Variants in IL1RAPL1 observed in about 807,000 individuals in gnomAD.
IL1RAPL1 encodes the protein interleukin-1 receptor accessory protein-like 1.
IL1RAPL1 carries 3 observed loss-of-function variants against 48.4 expected under a neutral mutation model. The ratio of observed to expected loss-of-function variants is 0.06; its 90% CI spans 0.03 to 0.16. IL1RAPL1 has a LOEUF of 0.16. IL1RAPL1 is among the 10% of genes least tolerant of loss of function. IL1RAPL1 has a pLI of 1.00. For synonymous variants in IL1RAPL1, 185 were observed against 187.7 expected, an observed-to-expected ratio of 0.99 and a Z score of 0.12; for missense variants, 349 against 530.6, an observed-to-expected ratio of 0.66 and a Z score of 3.36.
chrX:28,955,456 A>G (rs950030866), intron 2 of IL1RAPL1, among the ~76,000 whole-genome samples: 1 of 111,078 alleles, frequency 9.0e-6, no homozygotes, highest in African/African-American at 3.3e-5. Flanking sequence ...CTAATCTTGT[A>G]TAAGGTATAA....
chrX:29,918,144 A>AAAAAAAAAATAT (rs1555935868), intron 7 of IL1RAPL1, among the ~76,000 whole-genome samples: 2 of 23,761 alleles, frequency 8.4e-5, no homozygotes, highest in African/African-American at 4.8e-4. Context: ...AAAAAAAAAA[A>AAAAAAAAAATAT]ATATATATAT....
chrX:28,809,563 T>G (rs1262958771), intron 2 of IL1RAPL1, among the ~76,000 whole-genome samples: 3 of 110,317 alleles, frequency 2.7e-5, no homozygotes, highest in Non-Finnish European at 5.7e-5. Context: ...AGATGGTCAT[T>G]ATGGATGACA....
chrX:29,885,093 C>T (rs1932121259), intron 6 of IL1RAPL1, among the ~76,000 whole-genome samples: 1 of 111,352 alleles, frequency 9.0e-6, no homozygotes, highest in African/African-American at 3.3e-5. Context: ...CACAACAGCC[C>T]CACTGGCCTT....
chrX:28,985,203 T>C (rs1266640509), intron 2 of IL1RAPL1, among the ~76,000 whole-genome samples: 2 of 111,706 alleles, frequency 1.8e-5, no homozygotes, highest in Non-Finnish European at 3.8e-5. Context: ...GTTAGGCAGT[T>C]TTAAAATTAT....
intron 1 of IL1RAPL1, among the ~76,000 whole-genome samples, chrX:28,597,506 C>T (rs1233147983): frequency 2.7e-5 from 3 of 110,938 alleles, no homozygotes; most frequent in Admixed American, 1.9e-4. Context: ...CGGAGGCAGG[C>T]GGATCACCGG....
intron 2 of IL1RAPL1, among the ~76,000 whole-genome samples, chrX:29,252,031 C>CG (rs1569269843): frequency 3.3e-5 from 3 of 92,100 alleles, no homozygotes; most frequent in African/African-American, 1.3e-4. Context: ...AACCAAACAC[C>CG]GCGTGTTCTC....
At chrX:28,643,458 C>T (rs906269175) in intron 1 of IL1RAPL1, among the ~76,000 whole-genome samples, 2 of 111,005 alleles carry the variant, frequency 1.8e-5, no homozygotes, top group Non-Finnish European at 3.8e-5. Context: ...AAGATGAAAC[C>T]TATTCAATGT....
intron 3 of IL1RAPL1, among the ~76,000 whole-genome samples, chrX:29,328,819 G>T (rs1932861260): frequency 9.1e-6 from 1 of 109,568 alleles, no homozygotes. Context: ...TTTATACTGT[G>T]ATTTTTTCTT....
intron 5 of IL1RAPL1, among the ~76,000 whole-genome samples, chrX:29,537,481 G>A (rs1316246680): frequency 9.1e-6 from 1 of 109,517 alleles, no homozygotes; most frequent in Non-Finnish European, 1.9e-5. Context: ...GAAAATAAAA[G>A]GATAATAGAA....
chrX:28,768,737 CTCTCTCTCTCTCTCTCTCTATA>C (rs1936274085), intron 1 of IL1RAPL1, among the ~76,000 whole-genome samples: 2 of 67,879 alleles, frequency 2.9e-5, no homozygotes, highest in South Asian at 8.7e-4. Context: ...CTGTCTCTCT[CTCTCTCTCTCTCTCTCTCTATA>C]TATATATATA....
At chrX:29,111,774 AT>A (rs2147470671) in intron 2 of IL1RAPL1, among the ~76,000 whole-genome samples, 1 of 111,192 alleles carries the variant, frequency 9.0e-6, no homozygotes, top group South Asian at 3.8e-4. Context: ...ATAAAATACT[AT>A]CTCATTGAAT....
intron 6 of IL1RAPL1, among the ~76,000 whole-genome samples, chrX:29,865,364 T>C (rs1416863026): frequency 9.0e-6 from 1 of 111,644 alleles, no homozygotes; most frequent in Non-Finnish European, 1.9e-5. Context: ...ACGTTGTATA[T>C]TGTCTAAAAA....
intron 5 of IL1RAPL1, among the ~76,000 whole-genome samples, chrX:29,616,025 A>G (rs1292494617): frequency 9.0e-6 from 1 of 111,580 alleles, no homozygotes; most frequent in Non-Finnish European, 1.9e-5. Flanking sequence ...GTGAGGCTTA[A>G]TGGAGTTTGC....
chrX:28,856,176 C>T (rs1261492986), intron 2 of IL1RAPL1, among the ~76,000 whole-genome samples: 1 of 111,803 alleles, frequency 8.9e-6, no homozygotes, highest in Non-Finnish European at 1.9e-5. Context: ...GACTTTGAGA[C>T]ATTAGGAACT....
intron 2 of IL1RAPL1, among the ~76,000 whole-genome samples, chrX:28,934,115 C>T (rs1482708555): frequency 1.8e-5 from 2 of 110,938 alleles, no homozygotes; most frequent in Non-Finnish European, 3.8e-5. Context: ...AATGCCTGAC[C>T]TCATGGAGAT....
Position 29,918,238 on chromosome X carries a change from T to TTA in IL1RAPL1, c.911+642_911+643insTA, listed in dbSNP as rs1491257246. Among the ~76,000 whole-genome samples, 46 of 59,365 alleles carry TTA rather than the reference T, an allele frequency of 7.7e-4. 1 individual carries two copies. The highest frequency in any genetic ancestry group is 1.4e-3 in the African/African-American group (22 of 15,205). The allele number at this position is 59,365 out of a possible 115,157, so 51.6% of individuals were successfully genotyped here. A position where few individuals can be genotyped will look rare whatever the true frequency, so the allele number is the denominator to read the frequency against. Reference sequence around the variant, plus strand: ...CTTTTTGTATATGAGACCTTTTTTTTAAAAAAAAAAAAAAAAAATGTTCTT... The same window carrying TTA: ...CTTTTTGTATATGAGACCTTTTTTTTTAAAAAAAAAAAAAAAAAAATGTTCTT... On this transcript the variant is annotated intron_variant, in intron 7 of 10. Transcript: ENST00000378993.
At chrX:28,970,937 TA>T (rs2147368832) in intron 2 of IL1RAPL1, among the ~76,000 whole-genome samples, 1 of 111,419 alleles carries the variant, frequency 9.0e-6, no homozygotes, top group South Asian at 3.7e-4. Context: ...AATACCAGTC[TA>T]AAAAAGCACA....
intron 2 of IL1RAPL1, among the ~76,000 whole-genome samples, chrX:28,881,815 A>G (rs759408768): frequency 1.8e-5 from 2 of 111,459 alleles, no homozygotes; most frequent in African/African-American, 6.5e-5. Context: ...AAGACATGTT[A>G]TTTAAAATTA....
chrX:29,949,116 T>C (rs1933266573), intron 9 of IL1RAPL1, among the ~76,000 whole-genome samples: 1 of 112,171 alleles, frequency 8.9e-6, no homozygotes, highest in African/African-American at 3.2e-5. Flanking sequence ...GAGGGTATTA[T>C]CCTCTCATAT....
Sources: allele counts gnomAD v4.1 joint callset (sites outside exome capture counted in the v4.1 genomes callset), GRCh38; gene constraint gnomAD v4.1.1; transcripts MANE v1.5; gene names NCBI Gene and HGNC (gene_info 2026-07-23, HGNC 2026-07-21).